Variants in CTDP1 observed in about 807,000 individuals in gnomAD.
The protein encoded by CTDP1 is CTD phosphatase 1, also known as RNA polymerase II subunit A C-terminal domain phosphatase.
In CTDP1, 47 loss-of-function variants were observed where a neutral mutation model predicts 91.8. The ratio of observed to expected loss-of-function variants is 0.51; its 90% CI spans 0.41 to 0.65. The LOEUF (loss-of-function observed/expected upper bound fraction) is 0.65, where lower values mean the gene tolerates loss of function less well. CTDP1 is among the 30% of genes least tolerant of loss of function. The pLI is 0.00. For missense variants in CTDP1, 1,272 were observed against 1,373.7 expected (o/e 0.93, Z 1.17); for synonymous variants, 656 against 598.5 (o/e 1.10, Z -1.40).
Position 79,754,020 on chromosome 18 carries a change from T to C in CTDP1, c.*230T>C. On this transcript the variant is annotated 3_prime_UTR_variant, in exon 13 of 13. Transcript: ENST00000613122. ...ACAGGTGTTAAAGGCCCAGGTGTGC[T>C]GTGCCAAAGAGCTCAGCAGAGGCTC... is the stretch of plus-strand genomic sequence containing the variant. 1 of 616,218 alleles carries C rather than the reference T, an allele frequency of 1.6e-6. No individual in the cohort carries two copies. Among genetic ancestry groups the C allele is most frequent in the Non-Finnish European group, 2.7e-6 (1 of 364,054 alleles). The allele number at this position is 616,218 out of a possible 1,614,324, so 38.2% of individuals were successfully genotyped here.
At chr18:79,710,120 T>A (rs890756071) in intron 5 of CTDP1, among the ~76,000 whole-genome samples, 1 of 152,212 alleles carries the variant, frequency 6.6e-6, no homozygotes, top group Non-Finnish European at 1.5e-5. Context: ...GTTAGTAGAA[T>A]TATAAACACT....
chr18:79,748,196 A>G (rs2086919021), intron 12 of CTDP1, among the ~76,000 whole-genome samples: 1 of 152,198 alleles, frequency 6.6e-6, no homozygotes, highest in South Asian at 2.1e-4. Context: ...AGCTGTGTCT[A>G]ATGTTCGAGG....
intron 1 of CTDP1, among the ~76,000 whole-genome samples, chr18:79,691,155 T>G (rs1405466633): frequency 6.6e-6 from 1 of 152,172 alleles, no homozygotes; most frequent in Non-Finnish European, 1.5e-5. Context: ...GCTGTAGTCA[T>G]CTGCCGGTGG....
At chr18:79,733,856 A>G (rs2086615563) in intron 11 of CTDP1, among the ~76,000 whole-genome samples, 1 of 152,286 alleles carries the variant, frequency 6.6e-6, no homozygotes. Flanking sequence ...AGGATACCGT[A>G]GCATCTGCTG....
chr18:79,731,657 C>G (rs1172374968), intron 11 of CTDP1, among the ~76,000 whole-genome samples: 1 of 152,172 alleles, frequency 6.6e-6, no homozygotes, highest in Non-Finnish European at 1.5e-5. Context: ...CTAAGCAGAG[C>G]GAGGCATGGC....
At chr18:79,712,932 T>A (rs774992744) in intron 6 of CTDP1, 40 bp from the exon 7 acceptor site, 2 of 1,603,816 alleles carry the variant, frequency 1.2e-6, no homozygotes, top group Admixed American at 3.3e-5. Context: ...CTACAACTTT[T>A]CATTATTATT....
intron 1 of CTDP1, among the ~76,000 whole-genome samples, chr18:79,694,564 C>T (rs562075427): frequency 1.2e-4 from 16 of 138,690 alleles, no homozygotes; most frequent in Admixed American, 6.7e-4. Context: ...TAGGGTCAGG[C>T]GCTGAGTGCT....
intron 12 of CTDP1, among the ~76,000 whole-genome samples, chr18:79,738,297 G>T (rs1445057555): frequency 6.6e-6 from 1 of 152,246 alleles, no homozygotes; most frequent in East Asian, 1.9e-4. Flanking sequence ...TGTTAGACAG[G>T]ATGTGGCCCT....
chr18:79,715,878 T>C (rs113828666), intron 8 of CTDP1, among the ~76,000 whole-genome samples: 6,264 of 152,212 alleles, frequency 0.041, 183 homozygotes, highest in Middle Eastern at 0.068. Context: ...AGGTAAAAGA[T>C]TGACAAACCC....
chr18:79,679,528 A>C, upstream of CTDP1: 1 of 458,620 alleles, frequency 2.2e-6, no homozygotes, highest in Middle Eastern at 3.3e-4. Context: ...TAGTCCCGCC[A>C]TGCTCTGTCC....
In CTDP1 at chr18:79,713,514, C is replaced by T. The variant is rs572333534; in HGVS notation, c.1030+376C>T. ...GGGCGGTGGCTCTGCGGGGAATAAC[C>T]GTTCCCCATGCGCAGTGGTCAGGCT... is the stretch of plus-strand genomic sequence containing the variant. On this transcript the variant is annotated intron_variant, in intron 7 of 12. Coordinates refer to ENST00000613122, the MANE Select transcript of CTDP1 (RefSeq NM_004715.5). The surrounding 1 kb of genome is among the most constrained non-coding windows in gnomAD (Gnocchi z 4.7). Among the ~76,000 whole-genome samples the T allele has an allele frequency of 3.3e-5, 5 of 152,180 alleles. No homozygotes were observed. The highest frequency in any genetic ancestry group is 7.3e-5 in the Non-Finnish European group (5 of 68,028).
At chr18:79,695,710 T>G (rs1392877118) in intron 2 of CTDP1, among the ~76,000 whole-genome samples, 1 of 152,212 alleles carries the variant, frequency 6.6e-6, no homozygotes, top group Non-Finnish European at 1.5e-5. Flanking sequence ...GTTGAGGGCC[T>G]GTTTCTGCTT....
intron 10 of CTDP1, among the ~76,000 whole-genome samples, chr18:79,728,347 G>A (rs2086494243): frequency 6.6e-6 from 1 of 152,138 alleles, no homozygotes; most frequent in East Asian, 1.9e-4. Flanking sequence ...TGATCCACCT[G>A]CCTCGGCCTC....
chr18:79,686,444 G>A (rs1368094992), intron 1 of CTDP1, among the ~76,000 whole-genome samples: 1 of 152,198 alleles, frequency 6.6e-6, no homozygotes, highest in Admixed American at 6.5e-5. Flanking sequence ...GAACTGATGA[G>A]TTTGAAGAGA....
intron 12 of CTDP1, among the ~76,000 whole-genome samples, chr18:79,744,704 C>T (rs777632208): frequency 6.6e-6 from 1 of 152,112 alleles, no homozygotes. Flanking sequence ...ACATGTGCAC[C>T]GGAAGTGAGA....
intron 2 of CTDP1, 132 bp from the exon 3 acceptor site, chr18:79,695,845 G>T: frequency 2.6e-6 from 2 of 778,436 alleles, no homozygotes; most frequent in Admixed American, 3.9e-5. Context: ...TTTGCCGACA[G>T]AATCAAGTCT....
chr18:79,732,936 C>T lies in CTDP1; in HGVS notation c.2581-3419C>T, dbSNP rs376550427. ...CCTGAGACATGAAAACTCGCTCTCA[C>T]CATGAGTGCTCCCAAAATCACAGGA... On this transcript the variant is annotated intron_variant, in intron 11 of 12. Transcript: ENST00000613122. Among the ~76,000 whole-genome samples the T allele has an allele frequency of 1.9e-3, 293 of 151,612 alleles. 10 individuals are homozygous for T. The South Asian group carries it at 0.059, about 31-fold the overall frequency.
chr18:79,696,677 G>C (rs569214141), intron 3 of CTDP1, among the ~76,000 whole-genome samples: 7 of 152,170 alleles, frequency 4.6e-5, no homozygotes, highest in African/African-American at 1.2e-4. Context: ...GAGCCCATGG[G>C]GGGTACGCAG....
chr18:79,754,589 G>GA (rs34582378), downstream of CTDP1: 28,552 of 152,388 alleles, frequency 0.19, 2,893 homozygotes, highest in Non-Finnish European at 0.24. Flanking sequence ...AAACAGAAAC[G>GA]AAAAAATTCC....
Sources: gnomAD v4.1 joint callset for allele counts (sites outside exome capture counted in the v4.1 genomes callset) on GRCh38, gnomAD v4.1.1 for gene constraint, Gnocchi (gnomAD v3.1) non-coding constraint, MANE v1.5 for transcripts, NCBI Gene and HGNC (gene_info 2026-07-23, HGNC 2026-07-21) for gene names.